The following COLQ variants were observed in gnomAD, a reference collection of about 807,000 sequenced individuals.
COLQ encodes collagen like tail subunit of asymmetric acetylcholinesterase.
Under a neutral mutation model 69.0 loss-of-function variants are expected in COLQ, and 48 were observed. That is an observed-to-expected ratio of 0.70 (90% confidence interval 0.55 to 0.88). The LOEUF (loss-of-function observed/expected upper bound fraction) is 0.88. COLQ is among the 40% of genes least tolerant of loss of function. The probability of loss-of-function intolerance (pLI) is 0.00; values close to 1 mark genes in which losing one functional copy is unlikely to be tolerated. For synonymous variants in COLQ, 217 were observed against 211.2 expected (o/e 1.03, Z -0.24); for missense variants, 618 against 594.6 (o/e 1.04, Z -0.41).
intron 11 of COLQ, among the ~76,000 whole-genome samples, chr3:15,468,870 G>A (rs1470458738): frequency 6.6e-6 from 1 of 152,124 alleles, no homozygotes; most frequent in Non-Finnish European, 1.5e-5. Flanking sequence ...GGATTAAGTG[G>A]TCTCTGTAAT....
Position 15,480,597 on chromosome 3 carries a change from T to G in COLQ, c.322-1215A>C, listed in dbSNP as rs562962702. Among the ~76,000 whole-genome samples, 1,344 of 152,334 alleles carry G rather than the reference T, an allele frequency of 8.8e-3. 16 individuals carry two copies. The highest frequency in any genetic ancestry group is 0.019 in the South Asian group (91 of 4,832). On this transcript the variant is annotated intron_variant, in intron 3 of 16. Transcript: ENST00000383788. ...AGTCTATCATTGATGGACATTTGGG[T>G]TGGTTCCAAGTCTTTGCTATTGTGA...
intron 1 of COLQ, among the ~76,000 whole-genome samples, chr3:15,501,733 C>A (rs1410143807): frequency 1.3e-5 from 2 of 152,192 alleles, no homozygotes; most frequent in African/African-American, 4.8e-5. Context: ...AATCCCCCAC[C>A]CTTGAGAACT....
intron 2 of COLQ, 49 bp downstream of exon 2, chr3:15,489,476 A>G: frequency 6.4e-7 from 1 of 1,569,172 alleles, no homozygotes; most frequent in African/African-American, 1.3e-5. Context: ...CGTGGTGTGC[A>G]CTGAGTAGCC....
intron 1 of COLQ, among the ~76,000 whole-genome samples, chr3:15,520,835 CTCAGCT>C (rs930868750): frequency 6.6e-6 from 1 of 152,224 alleles, no homozygotes; most frequent in African/African-American, 2.4e-5. Context: ...GGCAGACACA[CTCAGCT>C]CCAGACCTGG....
Position 15,453,819 on chromosome 3 carries a change from T to C in COLQ, c.1298+10A>G. The C allele has an allele frequency of 6.5e-7, 1 of 1,544,342 alleles. No individual in the cohort carries two copies. The highest frequency in any genetic ancestry group is 8.9e-7 in the Non-Finnish European group (1 of 1,122,576). ...GAAGGGGGAGAGGGAGGGAGGGGAG[T>C]CATCCCTACCCAGGGAGATAGGTCT... On this transcript the variant is annotated intron_variant, in intron 16 of 16. Coordinates refer to ENST00000383788, the MANE Select transcript of COLQ (RefSeq NM_005677.4).
intron 7 of COLQ, 179 bp downstream of exon 7, chr3:15,475,246 T>TGGC (rs2125116630): frequency 2.9e-6 from 2 of 698,060 alleles, no homozygotes; most frequent in South Asian, 3.5e-5. Flanking sequence ...ATGGCATCCC[T>TGGC]ATGCCCCTGC....
At chr3:15,476,868 G>A (rs2062387989) in intron 6 of COLQ, among the ~76,000 whole-genome samples, 1 of 152,218 alleles carries the variant, frequency 6.6e-6, no homozygotes, top group South Asian at 2.1e-4. Context: ...GGACAAAGGA[G>A]AACCACGGCC....
At chr3:15,457,644 G>A (rs1270133437) in intron 13 of COLQ, among the ~76,000 whole-genome samples, 8 of 148,468 alleles carry the variant, frequency 5.4e-5, no homozygotes, top group Admixed American at 5.3e-4. Flanking sequence ...ACGGAGTCTC[G>A]CTCTGTTGCC....
intron 1 of COLQ, among the ~76,000 whole-genome samples, chr3:15,519,208 T>C (rs114071457): frequency 6.6e-6 from 1 of 152,180 alleles, no homozygotes; most frequent in Non-Finnish European, 1.5e-5. Context: ...TAATGTCTAA[T>C]GACCACATTC....
At position 15,489,655 on chromosome 3, in the gene COLQ, C is replaced by G. The variant is rs765228521; in HGVS notation, c.107-18G>C. ...GGGAAGGGCTGTTCAGAGAAAACTG[C>G]CGCTCGTTAGCATGTGGTCAGTGCT... On this transcript the variant is annotated intron_variant, in intron 1 of 16. Coordinates refer to ENST00000383788, the MANE Select transcript of COLQ (RefSeq NM_005677.4). 13 of 1,610,916 alleles carry G rather than the reference C, an allele frequency of 8.1e-6. No homozygotes were observed. The South Asian group carries it at 1.3e-4, about 16-fold the overall frequency.
At chr3:15,467,546 A>G (rs377023569) in intron 11 of COLQ, among the ~76,000 whole-genome samples, 1 of 152,214 alleles carries the variant, frequency 6.6e-6, no homozygotes, top group Non-Finnish European at 1.5e-5. Context: ...TTTTCTGCCT[A>G]TTCTGGGAGT....
At chr3:15,521,433 A>G in intron 1 of COLQ, 87 bp downstream of exon 1, 1 of 1,558,610 alleles carries the variant, frequency 6.4e-7, no homozygotes, top group East Asian at 2.3e-5. Flanking sequence ...GAATGGCAAA[A>G]ACATCAGGAC....
chr3:15,520,464 CCTCTCTG>C (rs2063120976), intron 1 of COLQ, among the ~76,000 whole-genome samples: 2 of 152,172 alleles, frequency 1.3e-5, no homozygotes, highest in South Asian at 4.1e-4. Context: ...AGAGATGTGC[CCTCTCTG>C]AGAGCCTGGC....
intron 1 of COLQ, among the ~76,000 whole-genome samples, chr3:15,495,988 A>G (rs1242908007): frequency 6.6e-6 from 1 of 152,214 alleles, no homozygotes; most frequent in Non-Finnish European, 1.5e-5. Flanking sequence ...TGGCAGGCCC[A>G]CACTGCTAAT....
chr3:15,482,559 C>T (rs568282283), intron 3 of COLQ, among the ~76,000 whole-genome samples: 1 of 152,264 alleles, frequency 6.6e-6, no homozygotes, highest in African/African-American at 2.4e-5. Flanking sequence ...AGGGATGAAG[C>T]CCACTTGATC....
rs753693817 is a variant in COLQ at position 15,489,635 on chromosome 3, G to A, written c.109C>T (p.Leu37Phe). 2.5e-6 allele frequency: 4 copies of A among 1,613,840 alleles called. No homozygotes were observed. The African/African-American group carries it at 4.0e-5, about 16-fold the overall frequency. Residue 37 changes from leucine (L) to phenylalanine (F), a missense_variant and splice_region_variant, in exon 2 of 17, where the codon CTT (leucine) becomes TTT (phenylalanine). Coordinates refer to ENST00000383788, the MANE Select transcript of COLQ (RefSeq NM_005677.4). ...CGCTTCTTCTGATCCAGGCTGGGAA[G>A]GGCTGTTCAGAGAAAACTGCCGCTC... is the stretch of plus-strand genomic sequence containing the variant. Reference protein sequence around the residue: ...INSVLPISAALPSLDQKKRGG... With the variant: ...INSVLPISAAFPSLDQKKRGG...
rs1490119068 is a variant in COLQ at position 15,489,634 on chromosome 3, A to G, written c.110T>C (p.Leu37Pro). ...ACGCTTCTTCTGATCCAGGCTGGGA[A>G]GGGCTGTTCAGAGAAAACTGCCGCT... ...INSVLPISAA[L>P]PSLDQKKRGG... Residue 37 changes from leucine (L) to proline (P), a missense_variant, in exon 2 of 17, where the codon CTT (leucine) becomes CCT (proline). Transcript: ENST00000383788. 6.2e-7 allele frequency: 1 copy of G among 1,613,980 alleles called. No homozygotes were observed. Among genetic ancestry groups the G allele is most frequent in the Admixed American group, 1.7e-5 (1 of 60,016 alleles).
At chr3:15,504,995 C>A (rs78267850) in intron 1 of COLQ, among the ~76,000 whole-genome samples, 3,878 of 152,304 alleles carry the variant, frequency 0.025, 71 homozygotes, top group Non-Finnish European at 0.037. Context: ...GTTCCCTGAA[C>A]AATTATCTTT....
intron 1 of COLQ, among the ~76,000 whole-genome samples, chr3:15,499,026 C>G (rs187601407): frequency 1.6e-4 from 24 of 152,074 alleles, no homozygotes; most frequent in East Asian, 3.9e-4. Context: ...GTCAACCCCC[C>G]ACCGAGACCG....
Sources: allele counts gnomAD v4.1 joint callset (sites outside exome capture counted in the v4.1 genomes callset), GRCh38; gene constraint gnomAD v4.1.1; transcripts MANE v1.5; gene names NCBI Gene and HGNC (gene_info 2026-07-23, HGNC 2026-07-21).